Variants in KIAA0319L observed in about 807,000 individuals in gnomAD.
KIAA0319L encodes the protein dyslexia-associated protein KIAA0319-like protein.
KIAA0319L carries 55 observed loss-of-function variants against 120.1 expected under a neutral mutation model. The ratio of observed to expected loss-of-function variants is 0.46; its 90% CI spans 0.37 to 0.57. KIAA0319L has a LOEUF of 0.57. KIAA0319L is among the 20% of genes least tolerant of loss of function. The probability of loss-of-function intolerance (pLI) is 0.00; values close to 1 mark genes in which losing one functional copy is unlikely to be tolerated. For synonymous variants in KIAA0319L, 398 were observed against 471.9 expected, an observed-to-expected ratio of 0.84 and a Z score of 2.03; for missense variants, 1,049 against 1,255.3, an observed-to-expected ratio of 0.84 and a Z score of 2.48.
intron 3 of KIAA0319L, among the ~76,000 whole-genome samples, chr1:35,494,832 C>CAAGACAGTGTAGAA (rs1553209670): frequency 5.3e-5 from 8 of 152,108 alleles, no homozygotes; most frequent in Non-Finnish European, 8.8e-5. Flanking sequence ...CTACAGTTAT[C>CAAGACAGTGTAGAA]AAGACAGTGT....
chr1:35,509,430 CAG>C (rs2148408920), intron 2 of KIAA0319L, among the ~76,000 whole-genome samples: 1 of 152,256 alleles, frequency 6.6e-6, no homozygotes, highest in South Asian at 2.1e-4. Context: ...ATGCTTATTT[CAG>C]AGAAGAAAAG....
chr1:35,556,788 G>A (rs1015475653), intron 1 of KIAA0319L: 2 of 152,090 alleles, frequency 1.3e-5, no homozygotes, highest in African/African-American at 4.8e-5. Context: ...AATCGTGGAT[G>A]AGGCAGGTTT....
At chr1:35,484,782 ATATATATATATATATATATATATAT>A (rs1215462358) in intron 3 of KIAA0319L, among the ~76,000 whole-genome samples, 15 of 45,802 alleles carry the variant, frequency 3.3e-4, no homozygotes, top group African/African-American at 2.1e-3. Context: ...ATATATATAT[ATATATATATATATATATATATATAT>A]TTTTTTTTTT....
chr1:35,446,474 T>C (rs1156838075), intron 16 of KIAA0319L, among the ~76,000 whole-genome samples: 1 of 152,236 alleles, frequency 6.6e-6, no homozygotes, highest in African/African-American at 2.4e-5. Flanking sequence ...ACCATCTCTG[T>C]ATCCTCAAAC....
chr1:35,442,075 G>A (rs2149074995), intron 19 of KIAA0319L, among the ~76,000 whole-genome samples, 171 bp downstream of exon 19: 1 of 152,016 alleles, frequency 6.6e-6, no homozygotes, highest in South Asian at 2.1e-4. Context: ...GCCCTCAGGA[G>A]AGTCTCAGGG....
chr1:35,543,878 G>A (rs974208431), intron 2 of KIAA0319L, among the ~76,000 whole-genome samples: 2 of 152,146 alleles, frequency 1.3e-5, no homozygotes, highest in East Asian at 3.9e-4. Flanking sequence ...TGGCAGTTAG[G>A]TGCAGATGAA....
At chr1:35,514,144 C>T (rs994116328) in intron 2 of KIAA0319L, among the ~76,000 whole-genome samples, 1 of 151,898 alleles carries the variant, frequency 6.6e-6, no homozygotes, top group African/African-American at 2.4e-5. Context: ...AGCAACTTAA[C>T]GACTATCATT....
intron 20 of KIAA0319L, 81 bp from the exon 21 acceptor site, chr1:35,435,162 G>A (rs925599835): frequency 4.6e-6 from 6 of 1,316,398 alleles, no homozygotes; most frequent in Non-Finnish European, 6.4e-6. Context: ...CCAGCCTGAG[G>A]AGCCAAGGAA....
chr1:35,483,146 C>A (rs1484448272), intron 3 of KIAA0319L, among the ~76,000 whole-genome samples: 1 of 152,118 alleles, frequency 6.6e-6, no homozygotes, highest in Non-Finnish European at 1.5e-5. Context: ...ATAAATGAGT[C>A]CTTTGTCAGA....
intron 7 of KIAA0319L, among the ~76,000 whole-genome samples, chr1:35,463,126 G>A (rs558405323): frequency 4.6e-5 from 7 of 152,146 alleles, no homozygotes; most frequent in Non-Finnish European, 7.3e-5. Flanking sequence ...AACAGGCCAC[G>A]GACAGATAGC....
intron 4 of KIAA0319L, among the ~76,000 whole-genome samples, chr1:35,477,470 A>T (rs957164383): frequency 6.6e-6 from 1 of 152,148 alleles, no homozygotes; most frequent in African/African-American, 2.4e-5. Flanking sequence ...GATCGAGACC[A>T]TCCTGGCTAA....
chr1:35,441,385 G>A (rs1338157939), intron 19 of KIAA0319L, among the ~76,000 whole-genome samples: 1 of 152,160 alleles, frequency 6.6e-6, no homozygotes, highest in East Asian at 1.9e-4. Flanking sequence ...CAGGGGCAAT[G>A]AAGGACAGAT....
chr1:35,484,816 T>TC (rs1644321692), intron 3 of KIAA0319L, among the ~76,000 whole-genome samples: 1 of 137,102 alleles, frequency 7.3e-6, no homozygotes, highest in Non-Finnish European at 1.6e-5. Context: ...ATTTTTTTTT[T>TC]TATTATACTC....
rs542108019 is a variant in KIAA0319L at position 35,543,664 on chromosome 1, C to T, written c.142+10686G>A. On this transcript the variant is annotated intron_variant, in intron 2 of 20. Transcript: ENST00000325722. ...CAAGTGAGGGCAAGGCCTACAGGTA[C>T]CTTTTTCCTGCCAGGGACACTTACT... Among the ~76,000 whole-genome samples the T allele has an allele frequency of 7.2e-4, 110 of 152,282 alleles. 1 individual carries two copies. The highest frequency in any genetic ancestry group is 1.4e-3 in the Non-Finnish European group (98 of 68,024).
chr1:35,464,863 G>A (rs556105184), intron 7 of KIAA0319L, among the ~76,000 whole-genome samples: 1 of 152,360 alleles, frequency 6.6e-6, no homozygotes, highest in East Asian at 1.9e-4. Context: ...GGCCAATGTA[G>A]AGCTCAGGCT....
intron 2 of KIAA0319L, among the ~76,000 whole-genome samples, chr1:35,542,527 G>A (rs891520634): frequency 2.4e-4 from 36 of 152,288 alleles, no homozygotes; most frequent in Admixed American, 2.2e-3. Context: ...GCTTTTCTTA[G>A]GAAAGCTGTT....
chr1:35,479,345 C>A, intron 3 of KIAA0319L, 133 bp from the exon 4 acceptor site: 1 of 684,776 alleles, frequency 1.5e-6, no homozygotes, highest in Non-Finnish European at 2.4e-6. Context: ...AGAAACTAAT[C>A]TCACCACCCA....
chr1:35,477,416 C>G (rs919543922), intron 4 of KIAA0319L, among the ~76,000 whole-genome samples: 1 of 152,088 alleles, frequency 6.6e-6, no homozygotes, highest in African/African-American at 2.4e-5. Flanking sequence ...GCCTGTAATC[C>G]CAGCACTTTG....
chr1:35,556,177 C>T (rs1418110627), intron 1 of KIAA0319L, among the ~76,000 whole-genome samples: 1 of 152,214 alleles, frequency 6.6e-6, no homozygotes, highest in African/African-American at 2.4e-5. Flanking sequence ...ATAGTTCTGG[C>T]ATTTAGGGCG....
Sources: allele counts gnomAD v4.1 joint callset (sites outside exome capture counted in the v4.1 genomes callset), GRCh38; gene constraint gnomAD v4.1.1; transcripts MANE v1.5; gene names NCBI Gene and HGNC (gene_info 2026-07-23, HGNC 2026-07-21).